Variants in CDH2 observed in about 807,000 individuals in gnomAD.
CDH2 encodes cadherin 2.
In CDH2, 17 loss-of-function variants were observed where a neutral mutation model predicts 92.0. The observed-to-expected ratio is 0.18, with a 90% CI of 0.13 to 0.28. CDH2 has a LOEUF of 0.28. CDH2 is among the 10% of genes least tolerant of loss of function. The pLI, the probability that CDH2 is intolerant of heterozygous loss-of-function variation, is 1.00. For missense variants in CDH2, 862 were observed against 1,133.1 expected (o/e 0.76, Z 3.44); for synonymous variants, 419 against 415.9 (o/e 1.01, Z -0.09).
intron 1 of CDH2, among the ~76,000 whole-genome samples, chr18:28,162,735 G>C (rs914459515): frequency 6.6e-6 from 1 of 152,196 alleles, no homozygotes; most frequent in Non-Finnish European, 1.5e-5. Context: ...TTGTTATCAG[G>C]AAAGTAAAGC....
chr18:28,051,412 A>C (rs371165263), intron 2 of CDH2, among the ~76,000 whole-genome samples: 3 of 152,302 alleles, frequency 2.0e-5, no homozygotes, highest in African/African-American at 7.2e-5. Flanking sequence ...GGATGGTGTT[A>C]TCTCTACAGT....
At chr18:28,013,660 A>G in intron 3 of CDH2, 23 bp downstream of exon 3, 1 of 1,556,878 alleles carries the variant, frequency 6.4e-7, no homozygotes, top group Non-Finnish European at 8.9e-7. Context: ...AACCAGCCCT[A>G]AAGCCATATT....
chr18:28,096,693 T>G (rs1368601549), intron 2 of CDH2, among the ~76,000 whole-genome samples: 1 of 152,182 alleles, frequency 6.6e-6, no homozygotes, highest in East Asian at 1.9e-4. Context: ...TAAAGTGTAT[T>G]GACACAATCT....
At chr18:28,034,432 A>AT (rs66954863) in intron 2 of CDH2, among the ~76,000 whole-genome samples, 25,675 of 151,822 alleles carry the variant, frequency 0.17, 2,437 homozygotes, top group South Asian at 0.3. Context: ...TTTTAAATAT[A>AT]TTTTTTTTCT....
intron 1 of CDH2, among the ~76,000 whole-genome samples, chr18:28,170,008 A>C (rs2016441373): frequency 6.6e-6 from 1 of 152,204 alleles, no homozygotes; most frequent in African/African-American, 2.4e-5. Flanking sequence ...GGAGAATGTG[A>C]AATATTACCA....
At chr18:28,056,490 T>C (rs1016260963) in intron 2 of CDH2, among the ~76,000 whole-genome samples, 6 of 152,156 alleles carry the variant, frequency 3.9e-5, no homozygotes, top group African/African-American at 1.4e-4. Flanking sequence ...AGGTCTTTGA[T>C]TATGTAAGAA....
At chr18:28,085,802 G>C (rs2014916350) in intron 2 of CDH2, among the ~76,000 whole-genome samples, 1 of 152,000 alleles carries the variant, frequency 6.6e-6, no homozygotes, top group Non-Finnish European at 1.5e-5. Context: ...CTGTGTTTGG[G>C]ACTTAGTAAG....
intron 15 of CDH2, among the ~76,000 whole-genome samples, chr18:27,957,931 G>A (rs1395292000): frequency 6.6e-6 from 1 of 152,122 alleles, no homozygotes. Flanking sequence ...TACAATTAGA[G>A]AACAGCAGAA....
intron 7 of CDH2, among the ~76,000 whole-genome samples, chr18:28,001,586 A>T (rs1165900709): frequency 1.3e-5 from 2 of 151,976 alleles, no homozygotes; most frequent in East Asian, 3.8e-4. Context: ...AGGTGAAAAT[A>T]TACACATGTT....
intron 2 of CDH2, among the ~76,000 whole-genome samples, chr18:28,048,956 G>A (rs2014135692): frequency 6.6e-6 from 1 of 152,124 alleles, no homozygotes; most frequent in African/African-American, 2.4e-5. Flanking sequence ...GACAAACCTT[G>A]TGGGTCTATT....
intron 7 of CDH2, among the ~76,000 whole-genome samples, chr18:27,998,028 C>T (rs1662730): frequency 3.3e-5 from 5 of 151,736 alleles, no homozygotes; most frequent in African/African-American, 1.2e-4. Context: ...GGATGGTCTC[C>T]ATCTCCTGAC....
At chr18:28,081,622 C>T (rs928746366) in intron 2 of CDH2, among the ~76,000 whole-genome samples, 2 of 152,140 alleles carry the variant, frequency 1.3e-5, no homozygotes, top group Non-Finnish European at 2.9e-5. Context: ...TACATAATTA[C>T]TTGTATTATT....
chr18:28,093,911 C>T (rs528438), intron 2 of CDH2, among the ~76,000 whole-genome samples: 99,133 of 151,994 alleles, frequency 0.65, 33,455 homozygotes, highest in African/African-American at 0.71. Flanking sequence ...GAGGTCTACA[C>T]AGAATGAAGG....
chr18:28,044,969 T>C (rs1245276066), intron 2 of CDH2, among the ~76,000 whole-genome samples: 2 of 152,108 alleles, frequency 1.3e-5, no homozygotes, highest in African/African-American at 4.8e-5. Context: ...ATCCCAGAAC[T>C]TTCTTGCTAT....
At chr18:28,058,493 T>C (rs2014339728) in intron 2 of CDH2, among the ~76,000 whole-genome samples, 1 of 152,230 alleles carries the variant, frequency 6.6e-6, no homozygotes, top group Admixed American at 6.5e-5. Context: ...AAGGTAAAGC[T>C]GATTAGGGAA....
intron 2 of CDH2, among the ~76,000 whole-genome samples, chr18:28,051,031 A>G (rs1418187572): frequency 6.6e-6 from 1 of 152,192 alleles, no homozygotes; most frequent in East Asian, 1.9e-4. Flanking sequence ...AAAATATTTA[A>G]TTCTCTCAAA....
chr18:28,159,961 G>A (rs1329139179), intron 1 of CDH2, among the ~76,000 whole-genome samples: 2 of 151,960 alleles, frequency 1.3e-5, no homozygotes, highest in Non-Finnish European at 2.9e-5. Flanking sequence ...CTGGCCCCCG[G>A]CACTTCTTTT....
chr18:28,174,267 C>G (rs1014625737), intron 1 of CDH2, among the ~76,000 whole-genome samples: 1 of 151,996 alleles, frequency 6.6e-6, no homozygotes, highest in Non-Finnish European at 1.5e-5. Context: ...AAAAAAAAAC[C>G]TAGACTGTTA....
intron 2 of CDH2, among the ~76,000 whole-genome samples, chr18:28,023,659 T>C (rs1304241006): frequency 6.6e-6 from 1 of 152,184 alleles, no homozygotes; most frequent in Middle Eastern, 3.2e-3. Context: ...AATATTTATT[T>C]GCCTCCCTGC....
Sources: allele counts gnomAD v4.1 joint callset (sites outside exome capture counted in the v4.1 genomes callset), GRCh38; gene constraint gnomAD v4.1.1; transcripts MANE v1.5; gene names NCBI Gene and HGNC (gene_info 2026-07-23, HGNC 2026-07-21).